PDPK1: variants seen among roughly 807,000 people sequenced by gnomAD.
PDPK1 encodes the protein 3-phosphoinositide-dependent protein kinase 1.
A neutral mutation model predicts 39.8 loss-of-function variants in PDPK1; 7 were observed. That is an observed-to-expected ratio of 0.18 (90% CI 0.10 to 0.33). The LOEUF (loss-of-function observed/expected upper bound fraction) is 0.33, where lower values mean the gene tolerates loss of function less well. PDPK1 is among the 10% of genes least tolerant of loss of function. The probability of loss-of-function intolerance (pLI) is 1.00; values close to 1 mark genes in which losing one functional copy is unlikely to be tolerated. For missense variants in PDPK1, 182 were observed against 384.7 expected (o/e 0.47, Z 4.41); for synonymous variants, 118 against 159.1 (o/e 0.74, Z 1.95).
At chr16:2,594,846 G>A (rs1430329904) in intron 11 of PDPK1, among the ~76,000 whole-genome samples, 2 of 152,172 alleles carry the variant, frequency 1.3e-5, no homozygotes, top group Non-Finnish European at 2.9e-5. Flanking sequence ...AGCCTGGCGG[G>A]CACAGTGGCT....
At chr16:2,584,128 T>TA (rs1458903728) in intron 10 of PDPK1, 4 of 38,152 alleles carry the variant, frequency 1.0e-4, no homozygotes, top group African/African-American at 3.0e-4. Flanking sequence ...GCTTGGCTCT[T>TA]TAAGCTTCTC....
chr16:2,542,381 AC>A (rs1365434029), intron 1 of PDPK1, among the ~76,000 whole-genome samples: 1 of 151,982 alleles, frequency 6.6e-6, no homozygotes, highest in African/African-American at 2.4e-5. Context: ...GGCTACTCAA[AC>A]TTCTGGTCTC....
chr16:2,594,309 C>T (rs1276484264), intron 11 of PDPK1: 2 of 152,232 alleles, frequency 1.3e-5, no homozygotes, highest in Non-Finnish European at 2.9e-5. Context: ...CTTTGGGAGG[C>T]CTAGGTGGGT....
chr16:2,544,809 C>G (rs996712594), intron 1 of PDPK1, among the ~76,000 whole-genome samples: 1 of 152,090 alleles, frequency 6.6e-6, no homozygotes, highest in Non-Finnish European at 1.5e-5. Context: ...TGGAATTGAT[C>G]TCCTGACCTC....
At chr16:2,556,272 G>C (rs545913432) in intron 1 of PDPK1, among the ~76,000 whole-genome samples, 1 of 148,766 alleles carries the variant, frequency 6.7e-6, no homozygotes, top group Admixed American at 6.7e-5. Context: ...TTTTAGTAGA[G>C]GTGAGGTTTT....
chr16:2,592,674 T>TA (rs879549251), intron 11 of PDPK1: 12,417 of 349,262 alleles, frequency 0.036, 1 homozygote, highest in East Asian at 0.049. Context: ...GACTCTGTCT[T>TA]AAAAAAAAAA....
At chr16:2,552,566 T>G (rs1952810158) in intron 1 of PDPK1, among the ~76,000 whole-genome samples, 1 of 135,800 alleles carries the variant, frequency 7.4e-6, no homozygotes, top group Admixed American at 7.3e-5. Context: ...TGGGAATAAG[T>G]AGGGGGCAGT....
chr16:2,585,259 G>T (rs1251398689), intron 10 of PDPK1, among the ~76,000 whole-genome samples: 3 of 152,216 alleles, frequency 2.0e-5, no homozygotes, highest in African/African-American at 7.2e-5. Context: ...TCCATTTGTT[G>T]GCAGCCGCCT....
chr16:2,587,979 G>C (rs1284455829), intron 11 of PDPK1, among the ~76,000 whole-genome samples: 1 of 152,190 alleles, frequency 6.6e-6, no homozygotes, highest in Non-Finnish European at 1.5e-5. Flanking sequence ...GCCCAAGGGG[G>C]TGGGGAGAGG....
chr16:2,598,380 TCTGTGGCCCCTG>T lies in PDPK1; in HGVS notation c.*619_*630del. ...CCTGTGGTGGCTCTGGTGGCAGCTT[TCTGTGGCCCCTG>T]CTGTGTTGGCAGGCAGGTTTGCGTG... On this transcript the variant is annotated 3_prime_UTR_variant, in exon 14 of 14. Coordinates refer to ENST00000342085, the MANE Select transcript of PDPK1 (RefSeq NM_002613.5). The T allele has an allele frequency of 4.3e-6, 1 of 234,280 alleles. No homozygotes were observed. The highest frequency in any genetic ancestry group is 6.0e-5 in the East Asian group (1 of 16,594). 14.5% of individuals were successfully genotyped at this position (234,280 alleles called of 1,614,324 possible).
At chr16:2,585,029 C>T (rs182716225) in intron 10 of PDPK1, among the ~76,000 whole-genome samples, 19 of 152,234 alleles carry the variant, frequency 1.2e-4, no homozygotes, top group Admixed American at 9.8e-4. Flanking sequence ...GCCGTTCTCC[C>T]GTGGGCTCTG....
chr16:2,542,714 A>T (rs901676684), intron 1 of PDPK1, among the ~76,000 whole-genome samples: 3 of 152,262 alleles, frequency 2.0e-5, no homozygotes, highest in African/African-American at 7.2e-5. Context: ...CCGTGCTGGG[A>T]CCGGCCCAAT....
chr16:2,590,598 C>T (rs1006265467), intron 11 of PDPK1, among the ~76,000 whole-genome samples: 4 of 151,982 alleles, frequency 2.6e-5, no homozygotes, highest in Admixed American at 2.0e-4. Context: ...GGCAAACCGC[C>T]GTTATGCAGA....
chr16:2,601,321 T>A lies in PDPK1; in HGVS notation c.*3554T>A. The A allele has an allele frequency of 4.3e-6, 1 of 234,644 alleles. No homozygotes were observed. The highest frequency in any genetic ancestry group is 1.8e-4 in the South Asian group (1 of 5,506). The allele number at this position is 234,644 out of a possible 1,614,324, so 14.5% of individuals were successfully genotyped here. A position where few individuals can be genotyped will look rare whatever the true frequency, so the allele number is the denominator to read the frequency against. On this transcript the variant is annotated 3_prime_UTR_variant, in exon 14 of 14. Coordinates refer to ENST00000342085, the MANE Select transcript of PDPK1 (RefSeq NM_002613.5). The stretch of plus-strand genomic sequence containing the variant: ...TGTCTGAATAAGACCGCTCTTTATT[T>A]AAATGCTAAGAGGATGTCACTACTG...
intron 11 of PDPK1, 88 bp downstream of exon 11, chr16:2,586,981 C>T (rs1265324883): frequency 9.0e-7 from 1 of 1,105,738 alleles, no homozygotes; most frequent in Non-Finnish European, 1.4e-6. Flanking sequence ...TGCCTTGTCA[C>T]TGCCTCCCTC....
intron 1 of PDPK1, chr16:2,539,078 C>CT (rs57517702): frequency 0.05 from 7,306 of 146,090 alleles, 381 homozygotes; most frequent in African/African-American, 0.12. Context: ...CAGGATGCGG[C>CT]TTTTTTTTTT....
At chr16:2,591,265 G>T (rs1020553337) in intron 11 of PDPK1, among the ~76,000 whole-genome samples, 5 of 152,172 alleles carry the variant, frequency 3.3e-5, no homozygotes, top group Non-Finnish European at 4.4e-5. Flanking sequence ...GATACATAGT[G>T]ATATCCATGA....
chr16:2,598,020 G>C lies in PDPK1; in HGVS notation c.*253G>C, dbSNP rs2067138299. ...CTCTGTGCTCCGTGGAGGCCTCCGT[G>C]TGCCCTCGTTGCCGTGGGGACCCAG... is the stretch of plus-strand genomic sequence containing the variant. On this transcript the variant is annotated 3_prime_UTR_variant, in exon 14 of 14. Transcript: ENST00000342085. The C allele has an allele frequency of 1.9e-6, 1 of 525,250 alleles. No individual in the cohort carries two copies. Among genetic ancestry groups the C allele is most frequent in the Non-Finnish European group, 3.4e-6 (1 of 292,652 alleles). 32.5% of individuals were successfully genotyped at this position (525,250 alleles called of 1,614,324 possible).
intron 1 of PDPK1, among the ~76,000 whole-genome samples, chr16:2,553,170 T>TAA (rs1162812696): frequency 7.6e-6 from 1 of 130,820 alleles, no homozygotes; most frequent in Admixed American, 7.3e-5. Context: ...CTTTTTTTTT[T>TAA]AAAAAAAAAA....
Sources: allele counts gnomAD v4.1 joint callset (sites outside exome capture counted in the v4.1 genomes callset), GRCh38; gene constraint gnomAD v4.1.1; transcripts MANE v1.5; gene names NCBI Gene and HGNC (gene_info 2026-07-23, HGNC 2026-07-21).